Variants in SPAG6 observed in about 807,000 individuals in gnomAD.
SPAG6 encodes sperm associated antigen 6, also known as sperm-associated antigen 6.
In SPAG6, 49 loss-of-function variants were observed where a neutral mutation model predicts 58.5. The ratio of observed to expected loss-of-function variants is 0.84; its 90% CI spans 0.67 to 1.06. The LOEUF (loss-of-function observed/expected upper bound fraction) is 1.06, where lower values mean the gene tolerates loss of function less well. Among genes scored for constraint, SPAG6 ranks in the 50% least tolerant of loss-of-function variants. The pLI is 0.00. For synonymous variants in SPAG6, 233 were observed against 225.6 expected, an observed-to-expected ratio of 1.03 and a Z score of -0.29; for missense variants, 560 against 611.3, an observed-to-expected ratio of 0.92 and a Z score of 0.89.
chr10:22,374,372 C>T (rs117512480), intron 4 of SPAG6, among the ~76,000 whole-genome samples: 4,855 of 152,130 alleles, frequency 0.032, 108 homozygotes, highest in Middle Eastern at 0.088. Flanking sequence ...TACAGATGAG[C>T]ATGCAGGTCA....
rs773696547 is a variant in SPAG6 at position 22,345,621 on chromosome 10, AGGCAGGTGCTGCAAGGTAGGGCCGAGGCG to A, written c.20_25+23del. 167 of 1,536,122 alleles carry A rather than the reference AGGCAGGTGCTGCAAGGTAGGGCCGAGGCG, an allele frequency of 1.1e-4. No homozygotes were observed. The highest frequency in any genetic ancestry group is 4.4e-5 in the Admixed American group (2 of 45,922). ...CGGCGGCGGGGGCGCCATGAGTCAGAGGCAGGTGCTGCAAGGTAGGGCCGAGGCGGGCAGGTGCCCTAACTAGCTGGCGC... is the reference window on the plus strand; with the variant it reads ...CGGCGGCGGGGGCGCCATGAGTCAGAGGCAGGTGCCCTAACTAGCTGGCGC... On this transcript the variant is annotated splice_donor_variant and splice_donor_5th_base_variant and coding_sequence_variant and intron_variant, in exon 1 of 11. Transcript: ENST00000376624. LOFTEE classifies it high-confidence loss of function. This position sits in a 1 kb window ranked among gnomAD's most constrained non-coding sequence, Gnocchi z 6.3.
chr10:22,389,242 C>A lies in SPAG6; in HGVS notation c.935C>A (p.Pro312His). ...TCCTGCAAAGGGAACACACGGCTGC[C>A]TGGCATCATGATGCTTGGTTATGTA... ...IGSCKGNTRL[P>H]GIMMLGYVAA... The change falls in exon 7 of 11, where the codon CCT becomes CAT. Residue 312 changes from proline to histidine, a missense_variant. Physicochemically the swap from Pro to His is moderately conservative, Grantham distance 77 (BLOSUM62 -2). Transcript: ENST00000376624. 1 of 1,613,114 alleles carries A rather than the reference C, an allele frequency of 6.2e-7. No homozygotes were observed. Among genetic ancestry groups the A allele is most frequent in the South Asian group, 1.1e-5 (1 of 91,044 alleles).
At chr10:22,365,123 G>C in intron 3 of SPAG6, 104 bp downstream of exon 3, 1 of 725,066 alleles carries the variant, frequency 1.4e-6, no homozygotes. Flanking sequence ...ATTATTAGGG[G>C]GTTAACACAA....
chr10:22,368,538 G>T lies in SPAG6; in HGVS notation c.332G>T (p.Gly111Val). The change falls in exon 4 of 11, where the codon GGT becomes GTT. Residue 111 changes from glycine (G) to valine (V), a missense_variant. Coordinates refer to ENST00000376624, the MANE Select transcript of SPAG6 (RefSeq NM_012443.4). ...KAAAFVLRAVGKHSPQLAQAI... is the reference protein window; with the variant it reads ...KAAAFVLRAVVKHSPQLAQAI... ...GCTGCCTTTGTGTTACGAGCAGTTG[G>T]TAAACATTCTCCCCAGCTAGCTCAG... The T allele has an allele frequency of 1.9e-6, 3 of 1,613,956 alleles. No homozygotes were observed. Among genetic ancestry groups the T allele is most frequent in the Non-Finnish European group, 2.5e-6 (3 of 1,179,960 alleles).
chr10:22,369,536 A>G (rs1833636230), intron 4 of SPAG6, among the ~76,000 whole-genome samples: 1 of 152,194 alleles, frequency 6.6e-6, no homozygotes, highest in Admixed American at 6.5e-5. Flanking sequence ...GCAGCAATAT[A>G]GCCAGGTGAT....
At chr10:22,363,289 G>A (rs1383026104) in intron 2 of SPAG6, among the ~76,000 whole-genome samples, 1 of 152,158 alleles carries the variant, frequency 6.6e-6, no homozygotes, top group Non-Finnish European at 1.5e-5. Flanking sequence ...TTAACATTGA[G>A]TAGTCATGCT....
chr10:22,397,914 C>G (rs1834333207), intron 8 of SPAG6, among the ~76,000 whole-genome samples: 1 of 152,026 alleles, frequency 6.6e-6, no homozygotes, highest in Non-Finnish European at 1.5e-5. Context: ...AGAAGCTTAT[C>G]TGAAAATTCA....
intron 2 of SPAG6, among the ~76,000 whole-genome samples, chr10:22,351,354 C>CAG (rs1252505978): frequency 1.3e-5 from 2 of 152,232 alleles, no homozygotes; most frequent in East Asian, 3.9e-4. Context: ...TAAACGCACG[C>CAG]AGAGGAAAGT....
rs569726369 is a variant in SPAG6 at position 22,411,413 on chromosome 10, C to A, written c.1460+237C>A. On this transcript the variant is annotated intron_variant, in intron 10 of 10. Transcript: ENST00000376624. ...TTAAGACATTTTTGTACTAATTTAA[C>A]ATGTGCTTTACTAAAGAGTACCCAA... The A allele has an allele frequency of 1.8e-4, 67 of 378,904 alleles. No homozygotes were observed. In the East Asian group the frequency reaches 2.9e-3, roughly 16 times the overall value. The allele number at this position is 378,904 out of a possible 1,614,324, so 23.5% of individuals were successfully genotyped here.
chr10:22,395,743 A>G (rs1351192942), intron 8 of SPAG6, among the ~76,000 whole-genome samples: 1 of 152,172 alleles, frequency 6.6e-6, no homozygotes, highest in Non-Finnish European at 1.5e-5. Flanking sequence ...ATTCAATTGC[A>G]TATGCTTTTT....
chr10:22,366,013 C>T (rs577931413), intron 3 of SPAG6, among the ~76,000 whole-genome samples: 3 of 152,256 alleles, frequency 2.0e-5, no homozygotes, highest in East Asian at 1.9e-4. Flanking sequence ...TTGGCAGGTC[C>T]GCAGTCAGTG....
intron 4 of SPAG6, among the ~76,000 whole-genome samples, chr10:22,372,632 C>T (rs751132123): frequency 6.6e-6 from 1 of 152,126 alleles, no homozygotes; most frequent in Non-Finnish European, 1.5e-5. Flanking sequence ...ACAGTGGCCG[C>T]AATGAGAGCA....
Position 22,372,778 on chromosome 10 carries a change from AG to A in SPAG6, c.472+4101del, listed in dbSNP as rs199830232. Among the ~76,000 whole-genome samples, 336 of 151,824 alleles carry A rather than the reference AG, an allele frequency of 2.2e-3. 2 individuals carry two copies. The highest frequency in any genetic ancestry group is 7.8e-3 in the African/African-American group (321 of 41,274). ...AGCTTTAGCTAAAAAAAAAAAAAAA[AG>A]TGTTTCTTTGTGGTAAACTTTGGCT... On this transcript the variant is annotated intron_variant, in intron 4 of 10. Transcript: ENST00000376624.
chr10:22,395,512 C>T (rs1054899428), intron 8 of SPAG6, among the ~76,000 whole-genome samples: 11 of 152,166 alleles, frequency 7.2e-5, no homozygotes, highest in African/African-American at 2.7e-4. Flanking sequence ...TGTTTATTGG[C>T]TGTTCATACG....
At chr10:22,376,045 A>G (rs1833809188) in intron 4 of SPAG6, among the ~76,000 whole-genome samples, 1 of 152,216 alleles carries the variant, frequency 6.6e-6, no homozygotes, top group Admixed American at 6.5e-5. Context: ...AGGCTAGTGC[A>G]CATTGAGGAG....
intron 9 of SPAG6, among the ~76,000 whole-genome samples, chr10:22,406,027 T>C (rs1165821867): frequency 6.6e-6 from 1 of 152,176 alleles, no homozygotes; most frequent in Non-Finnish European, 1.5e-5. Flanking sequence ...TTCTTCTCTC[T>C]TTTTTTCTTT....
At position 22,368,696 on chromosome 10, in the gene SPAG6, G is replaced by T. The variant is rs771963971; in HGVS notation, c.472+18G>T. 6 of 1,568,800 alleles carry T rather than the reference G, an allele frequency of 3.8e-6. No individual in the cohort carries two copies. In the South Asian group the frequency reaches 6.8e-5, roughly 18 times the overall value. ...TAATGCAGGTAATTTAAAATATGCA[G>T]GAGCATATTTTAAAATAGGATTATT... On this transcript the variant is annotated intron_variant, in intron 4 of 10. Coordinates refer to ENST00000376624, the MANE Select transcript of SPAG6 (RefSeq NM_012443.4).
At chr10:22,406,721 T>TA (rs1564380562) in intron 9 of SPAG6, among the ~76,000 whole-genome samples, 6 of 152,208 alleles carry the variant, frequency 3.9e-5, no homozygotes, top group Admixed American at 2.6e-4. Context: ...TTGATCTGTC[T>TA]GTGTTGACAG....
rs1370823402 is a variant in SPAG6, at chr10:22,386,804, T to C, written c.523T>C (p.Cys175Arg). 6.2e-7 allele frequency: 1 copy of C among 1,613,572 alleles called. No homozygotes were observed. Among genetic ancestry groups the C allele is most frequent in the Admixed American group, 1.7e-5 (1 of 59,964 alleles). Residue 175 changes from cysteine to arginine, a missense_variant, in exon 5 of 11, where the codon TGT becomes CGT. Transcript: ENST00000376624. ...AGGAGCTGTTCCTCTTTTAGTACTC[T>C]GTATCCAGGAGCCAGAAATTGCTTT... ...DAGAVPLLVL[C>R]IQEPEIALKR...
Sources: allele counts gnomAD v4.1 joint callset (sites outside exome capture counted in the v4.1 genomes callset), GRCh38; gene constraint gnomAD v4.1.1; non-coding constraint Gnocchi (gnomAD v3.1); transcripts MANE v1.5; gene names NCBI Gene and HGNC (gene_info 2026-07-23, HGNC 2026-07-21).